The following GALNT13 variants were observed in gnomAD, a reference collection of about 807,000 sequenced individuals.
The protein encoded by GALNT13 is polypeptide N-acetylgalactosaminyltransferase 13.
GALNT13 carries 28 observed loss-of-function variants against 64.2 expected under a neutral mutation model. The observed-to-expected ratio is 0.44, with a 90% CI of 0.32 to 0.60. The LOEUF (loss-of-function observed/expected upper bound fraction) is 0.60, where lower values mean the gene tolerates loss of function less well. GALNT13 is among the 20% of genes least tolerant of loss of function. GALNT13 has a pLI of 0.05. For missense variants in GALNT13, 577 were observed against 669.8 expected (o/e 0.86, Z 1.53); for synonymous variants, 214 against 224.6 (o/e 0.95, Z 0.42).
At chr2:154,009,789 A>G (rs890579686) in intron 3 of GALNT13, among the ~76,000 whole-genome samples, 3 of 152,270 alleles carry the variant, frequency 2.0e-5, no homozygotes, top group Non-Finnish European at 2.9e-5. Flanking sequence ...CTCCCTATCT[A>G]TGAGCATGGA....
At chr2:154,194,817 T>C (rs999769837) in intron 4 of GALNT13, among the ~76,000 whole-genome samples, 6 of 151,392 alleles carry the variant, frequency 4.0e-5, no homozygotes, top group South Asian at 4.2e-4. Flanking sequence ...GCAAAGTTTA[T>C]AAGTAGTGTA....
the GALNT13 span, among the ~76,000 whole-genome samples, chr2:153,823,078 G>T: frequency 6.6e-6 from 1 of 152,010 alleles, no homozygotes; most frequent in East Asian, 1.9e-4. Context: ...GGAAGTGAAA[G>T]TTCTGTACAA....
chr2:154,258,036 G>T (rs1307144185), intron 7 of GALNT13, among the ~76,000 whole-genome samples: 1 of 151,910 alleles, frequency 6.6e-6, no homozygotes, highest in Non-Finnish European at 1.5e-5. Context: ...TTTTTTTAAA[G>T]GTGGCTCAGA....
At chr2:154,127,944 A>T (rs1682388962) in intron 3 of GALNT13, among the ~76,000 whole-genome samples, 1 of 151,886 alleles carries the variant, frequency 6.6e-6, no homozygotes, top group African/African-American at 2.4e-5. Context: ...CAAGTTTATT[A>T]CTTATCCTTA....
intron 3 of GALNT13, among the ~76,000 whole-genome samples, chr2:154,126,540 CAGG>C (rs950045712): frequency 6.0e-5 from 9 of 151,186 alleles, no homozygotes; most frequent in Non-Finnish European, 1.0e-4. Context: ...GAGGCTGAGG[CAGG>C]AGAATGGCGT....
At chr2:153,330,674 C>T in the GALNT13 span, among the ~76,000 whole-genome samples, 1 of 151,904 alleles carries the variant, frequency 6.6e-6, no homozygotes, top group African/African-American at 2.4e-5. Context: ...AAGAGCCTTT[C>T]AGTGGAGTCT....
At chr2:154,089,243 T>C (rs1014474008) in intron 3 of GALNT13, among the ~76,000 whole-genome samples, 5 of 152,084 alleles carry the variant, frequency 3.3e-5, no homozygotes, top group African/African-American at 1.2e-4. Context: ...TGCTCTGTAG[T>C]TGGCTCCTGG....
At chr2:153,651,138 T>A in the GALNT13 span, among the ~76,000 whole-genome samples, 2 of 152,158 alleles carry the variant, frequency 1.3e-5, no homozygotes, top group Non-Finnish European at 2.9e-5. Flanking sequence ...AGAGGGTAGA[T>A]CTCATTTTAA....
chr2:153,976,727 ATAAG>A (rs901365248), intron 3 of GALNT13, among the ~76,000 whole-genome samples: 3 of 152,246 alleles, frequency 2.0e-5, no homozygotes, highest in African/African-American at 7.2e-5. Flanking sequence ...GTTACTTATA[ATAAG>A]TAACATAGTA....
intron 3 of GALNT13, among the ~76,000 whole-genome samples, chr2:154,135,372 TGAGAA>T (rs1185177308): frequency 1.8e-4 from 28 of 152,336 alleles, no homozygotes; most frequent in African/African-American, 6.7e-4. Context: ...GACACCTTTC[TGAGAA>T]GTAGTAGCTA....
chr2:154,332,516 A>T (rs1054397885), intron 9 of GALNT13, among the ~76,000 whole-genome samples: 5 of 152,192 alleles, frequency 3.3e-5, no homozygotes, highest in East Asian at 1.9e-4. Flanking sequence ...AAATGAAATT[A>T]AAAAAATAAT....
chr2:154,115,595 A>G (rs530067545), intron 3 of GALNT13, among the ~76,000 whole-genome samples: 13 of 151,944 alleles, frequency 8.6e-5, no homozygotes, highest in African/African-American at 3.1e-4. Flanking sequence ...TACTTTTTGT[A>G]TTTTTAGTAG....
At chr2:153,625,777 C>A in the GALNT13 span, among the ~76,000 whole-genome samples, 1 of 151,818 alleles carries the variant, frequency 6.6e-6, no homozygotes, top group East Asian at 1.9e-4. Context: ...ATACCCCAGA[C>A]AGGGGATCGT....
At chr2:153,505,710 G>T in the GALNT13 span, among the ~76,000 whole-genome samples, 1 of 151,984 alleles carries the variant, frequency 6.6e-6, no homozygotes, top group African/African-American at 2.4e-5. Context: ...TTCCATTGTG[G>T]TCTGAGAGAG....
At chr2:154,088,067 C>T (rs899728108) in intron 3 of GALNT13, among the ~76,000 whole-genome samples, 2 of 151,908 alleles carry the variant, frequency 1.3e-5, no homozygotes, top group Non-Finnish European at 1.5e-5. Context: ...CTAAACAGAC[C>T]GCTACAATAC....
At chr2:153,840,082 T>C in the GALNT13 span, among the ~76,000 whole-genome samples, 2 of 152,110 alleles carry the variant, frequency 1.3e-5, no homozygotes, top group Non-Finnish European at 2.9e-5. Flanking sequence ...ATTGTAGTTA[T>C]TGCTTGTTTA....
the GALNT13 span, among the ~76,000 whole-genome samples, chr2:153,571,924 T>A: frequency 0.023 from 3,479 of 151,936 alleles, 131 homozygotes; most frequent in African/African-American, 0.078. Flanking sequence ...TTGATGTGTG[T>A]TTGTTAGGTT....
intron 9 of GALNT13, among the ~76,000 whole-genome samples, chr2:154,375,020 G>C (rs1471650337): frequency 6.6e-6 from 1 of 151,994 alleles, no homozygotes; most frequent in Non-Finnish European, 1.5e-5. Flanking sequence ...ACAGAGTCTC[G>C]CTCTTGCCCA....
At chr2:153,151,816 A>G in the GALNT13 span, among the ~76,000 whole-genome samples, 3 of 118,858 alleles carry the variant, frequency 2.5e-5, no homozygotes, top group African/African-American at 9.8e-5. Flanking sequence ...AACATCACAC[A>G]CTGGGGCCTG....
Sources: allele counts gnomAD v4.1 joint callset (sites outside exome capture counted in the v4.1 genomes callset), GRCh38; gene constraint gnomAD v4.1.1; transcripts MANE v1.5; gene names NCBI Gene and HGNC (gene_info 2026-07-23, HGNC 2026-07-21).